Variants in KIF2A observed in about 807,000 individuals in gnomAD.
The protein encoded by KIF2A is kinesin family member 2A, also known as kinesin-like protein KIF2A.
Under a neutral mutation model 100.2 loss-of-function variants are expected in KIF2A, and 22 were observed. The ratio of observed to expected loss-of-function variants is 0.22; its 90% CI spans 0.16 to 0.31. The LOEUF (loss-of-function observed/expected upper bound fraction) is 0.31. Among genes scored for constraint, KIF2A ranks in the 10% least tolerant of loss-of-function variants. The pLI, the probability that KIF2A is intolerant of heterozygous loss-of-function variation, is 1.00. For synonymous variants in KIF2A, 268 were observed against 285.9 expected (o/e 0.94, Z 0.63); for missense variants, 495 against 898.7 (o/e 0.55, Z 5.74).
At chr5:62,384,741 A>G (rs766209260) in intron 20 of KIF2A, among the ~76,000 whole-genome samples, 1 of 152,228 alleles carries the variant, frequency 6.6e-6, no homozygotes, top group Non-Finnish European at 1.5e-5. Context: ...ATCAAGAAAT[A>G]TATCATTTAG....
At chr5:62,316,318 G>A (rs537271523) in intron 1 of KIF2A, among the ~76,000 whole-genome samples, 15 of 152,312 alleles carry the variant, frequency 9.8e-5, no homozygotes, top group Admixed American at 4.6e-4. Flanking sequence ...AGAATATGAC[G>A]TCATCTCTTT....
chr5:62,373,931 C>A, intron 18 of KIF2A, 94 bp downstream of exon 18: 3 of 1,043,758 alleles, frequency 2.9e-6, no homozygotes, highest in Non-Finnish European at 4.3e-6. Context: ...AGGTGTCAGG[C>A]TGTGGGTGTG....
In KIF2A at chr5:62,347,122, C is replaced by T. The variant is rs1449081660; in HGVS notation, c.65-8C>T. 3 of 1,554,038 alleles carry T rather than the reference C, an allele frequency of 1.9e-6. No individual in the cohort carries two copies. The Admixed American group carries it at 5.2e-5, about 27-fold the overall frequency. On this transcript the variant is annotated splice_region_variant and splice_polypyrimidine_tract_variant and intron_variant, in intron 1 of 20. Coordinates refer to ENST00000407818, the MANE Select transcript of KIF2A (RefSeq NM_001098511.3). ...CATTTTTAAGGTGTATACTTTATTC[C>T]CACATAGGCCGAATACATCAAGCAA...
intron 1 of KIF2A, among the ~76,000 whole-genome samples, chr5:62,340,365 C>T (rs1262783118): frequency 2.6e-5 from 4 of 151,870 alleles, no homozygotes; most frequent in African/African-American, 9.7e-5. Context: ...ATATAATTCA[C>T]AGTAAAGTAA....
At chr5:62,336,302 T>G (rs1248418935) in intron 1 of KIF2A, among the ~76,000 whole-genome samples, 2 of 152,196 alleles carry the variant, frequency 1.3e-5, no homozygotes, top group Non-Finnish European at 2.9e-5. Flanking sequence ...AAAATGCTGG[T>G]TTTTAAATGC....
In KIF2A at chr5:62,373,683, A is replaced by G; in HGVS notation, c.1761-4A>G. The G allele has an allele frequency of 6.8e-6, 11 of 1,611,346 alleles. No homozygotes were observed. Among genetic ancestry groups the G allele is most frequent in the Non-Finnish European group, 9.3e-6 (11 of 1,177,826 alleles). Reference sequence around the variant, plus strand: ...AACTTTAGATACCTCTTATGTATTTATAGGGTCAAAGAATTGACTGTAGAT... The same window carrying G: ...AACTTTAGATACCTCTTATGTATTTGTAGGGTCAAAGAATTGACTGTAGAT... On this transcript the variant is annotated splice_region_variant and splice_polypyrimidine_tract_variant and intron_variant, in intron 17 of 20. Coordinates refer to ENST00000407818, the MANE Select transcript of KIF2A (RefSeq NM_001098511.3).
intron 1 of KIF2A, among the ~76,000 whole-genome samples, chr5:62,317,072 A>C (rs1398677594): frequency 1.3e-5 from 2 of 150,984 alleles, no homozygotes; most frequent in Non-Finnish European, 1.5e-5. Context: ...TTTTTGAATC[A>C]AAGTTTCACT....
intron 1 of KIF2A, among the ~76,000 whole-genome samples, chr5:62,321,052 T>C (rs1229397435): frequency 6.6e-6 from 1 of 152,222 alleles, no homozygotes; most frequent in Non-Finnish European, 1.5e-5. Context: ...CTTTAGTGTA[T>C]AGCATCTGTC....
chr5:62,361,242 G>T lies in KIF2A; in HGVS notation c.873G>T (p.Arg291Ser), dbSNP rs764986275. 1.9e-6 allele frequency: 3 copies of T among 1,577,030 alleles called. No homozygotes were observed. Among genetic ancestry groups the T allele is most frequent in the Non-Finnish European group, 2.6e-6 (3 of 1,153,744 alleles). ...CTGACTGATGCATTTTATTTTTAAG[G>T]TTTACTGCTAGACCACTAGTGGAAA... ...DDSAPNEMVY[R>S]FTARPLVETI... The change falls in exon 10 of 21, where the codon AGG becomes AGT. Residue 291 changes from arginine (R) to serine (S), a missense_variant and splice_region_variant. Physicochemically the swap from Arg to Ser is moderately radical, Grantham distance 110 (BLOSUM62 -1). This residue lies in a region of KIF2A where 109 missense variants were observed against 244.2 expected (regional missense o/e 0.45). Coordinates refer to ENST00000407818, the MANE Select transcript of KIF2A (RefSeq NM_001098511.3).
At chr5:62,321,888 G>C (rs1272516847) in intron 1 of KIF2A, among the ~76,000 whole-genome samples, 1 of 151,970 alleles carries the variant, frequency 6.6e-6, no homozygotes, top group Non-Finnish European at 1.5e-5. Context: ...AGAAAGATCT[G>C]TTCAAATCCT....
chr5:62,389,841 CTT>C lies in KIF2A; in HGVS notation c.*4274_*4275del, dbSNP rs1474208256. Among the ~76,000 whole-genome samples, 2 of 152,154 alleles carry C rather than the reference CTT, an allele frequency of 1.3e-5. No homozygotes were observed. The highest frequency in any genetic ancestry group is 2.9e-5 in the Non-Finnish European group (2 of 68,034). ...TTAGTAAACTGCACATGCCCAATAA[CTT>C]TGAGGAAATTTAGTGAAAATGAAGA... On this transcript the variant is annotated 3_prime_UTR_variant, in exon 21 of 21. Transcript: ENST00000407818.
chr5:62,345,729 C>T (rs1217544084), intron 1 of KIF2A, among the ~76,000 whole-genome samples: 1 of 152,020 alleles, frequency 6.6e-6, no homozygotes, highest in East Asian at 1.9e-4. Flanking sequence ...TTGAATGCCT[C>T]ATTATAATAA....
Position 62,350,139 on chromosome 5 carries a change from T to A in KIF2A, c.334+19T>A. Reference sequence around the variant, plus strand: ...AATAGAGGTAAAGTAAAAATTTATCTCTTAATTTTGGCTATTGACTTCTTA... The same window carrying A: ...AATAGAGGTAAAGTAAAAATTTATCACTTAATTTTGGCTATTGACTTCTTA... On this transcript the variant is annotated intron_variant, in intron 4 of 20. Coordinates refer to ENST00000407818, the MANE Select transcript of KIF2A (RefSeq NM_001098511.3). The A allele has an allele frequency of 6.8e-7, 1 of 1,477,452 alleles. No homozygotes were observed. The highest frequency in any genetic ancestry group is 9.3e-7 in the Non-Finnish European group (1 of 1,080,978). The allele number at this position is 1,477,452 out of a possible 1,614,324, so 91.5% of individuals were successfully genotyped here. A position where few individuals can be genotyped will look rare whatever the true frequency, so the allele number is the denominator to read the frequency against.
intron 16 of KIF2A, among the ~76,000 whole-genome samples, chr5:62,368,259 T>C (rs1178918586): frequency 1.3e-5 from 2 of 151,840 alleles, no homozygotes; most frequent in African/African-American, 4.8e-5. Flanking sequence ...GGAATACTTT[T>C]CTTGTTTTTT....
At chr5:62,373,556 A>C in intron 17 of KIF2A, 131 bp from the exon 18 acceptor site, 1 of 641,714 alleles carries the variant, frequency 1.6e-6, no homozygotes, top group South Asian at 2.1e-5. Flanking sequence ...TTTCAGATAA[A>C]TTTTACCTAT....
intron 13 of KIF2A, 120 bp from the exon 14 acceptor site, chr5:62,363,575 A>T: frequency 1.1e-6 from 1 of 881,322 alleles, no homozygotes; most frequent in Non-Finnish European, 1.8e-6. Flanking sequence ...ATCTGTATTT[A>T]AAAGATGAAA....
chr5:62,322,351 C>T (rs1173598706), intron 1 of KIF2A, among the ~76,000 whole-genome samples: 2 of 152,052 alleles, frequency 1.3e-5, no homozygotes, highest in Non-Finnish European at 2.9e-5. Flanking sequence ...TTGATAGTAT[C>T]CTTTGAAGCA....
In KIF2A at chr5:62,373,729, T is replaced by G; in HGVS notation, c.1803T>G (p.Val601=). 6.2e-7 allele frequency: 1 copy of G among 1,613,624 alleles called. No homozygotes were observed. The highest frequency in any genetic ancestry group is 8.5e-7 in the Non-Finnish European group (1 of 1,179,536). Residue 601 remains valine (V), a synonymous_variant, in exon 18 of 21, where the codon GTT becomes GTG. Transcript: ENST00000407818. Reference sequence around the variant, plus strand: ...TAGATCCAACTGCTGCTGGTGATGTTCGTCCAATAATGCACCATCCACCAA... The same window carrying G: ...TAGATCCAACTGCTGCTGGTGATGTGCGTCCAATAATGCACCATCCACCAA... ...LTVDPTAAGD[V]RPIMHHPPNQ...
chr5:62,313,296 T>A (rs901493781), intron 1 of KIF2A, among the ~76,000 whole-genome samples: 1 of 152,192 alleles, frequency 6.6e-6, no homozygotes, highest in Admixed American at 6.5e-5. Flanking sequence ...ATATATGCCA[T>A]CTCTCCTCCT....
Sources: gnomAD v4.1 joint callset for allele counts (sites outside exome capture counted in the v4.1 genomes callset) on GRCh38, gnomAD v4.1.1 for gene constraint, gnomAD v4.1.1 regional missense constraint, MANE v1.5 for transcripts, NCBI Gene and HGNC (gene_info 2026-07-23, HGNC 2026-07-21) for gene names.